The following BACE2 variants were observed in gnomAD, a reference collection of about 807,000 sequenced individuals.
BACE2 encodes the protein beta-secretase 2, also known as 56 kDa aspartic-like protease.
BACE2 carries 17 observed loss-of-function variants against 46.2 expected under a neutral mutation model. That is an observed-to-expected ratio of 0.37 (90% CI 0.25 to 0.55). BACE2 has a LOEUF of 0.55. Ranked by LOEUF, BACE2 falls within the 20% of genes least tolerant of loss-of-function variation. BACE2 has a pLI of 0.82. For missense variants in BACE2, 595 were observed against 698.1 expected, an observed-to-expected ratio of 0.85 and a Z score of 1.66; for synonymous variants, 277 against 295.9, an observed-to-expected ratio of 0.94 and a Z score of 0.66.
intron 1 of BACE2, among the ~76,000 whole-genome samples, chr21:41,189,269 T>G (rs1258260488): frequency 1.3e-5 from 2 of 152,136 alleles, no homozygotes; most frequent in East Asian, 3.9e-4. Context: ...TCTGAGAAAT[T>G]GTCTAGTAAT....
At chr21:41,176,165 A>G (rs1335666601) in intron 1 of BACE2, 1 of 152,248 alleles carries the variant, frequency 6.6e-6, no homozygotes, top group Non-Finnish European at 1.5e-5. Context: ...GAGAATCTCC[A>G]TAGCTCTAAT....
intron 1 of BACE2, among the ~76,000 whole-genome samples, chr21:41,192,826 G>A (rs536541823): frequency 1.3e-5 from 2 of 152,326 alleles, no homozygotes; most frequent in South Asian, 2.1e-4. Flanking sequence ...ACACCCAAAT[G>A]AGGAATGTGT....
Position 41,243,580 on chromosome 21 carries a change from C to G in BACE2, c.882+70C>G, listed in dbSNP as rs566764846. On this transcript the variant is annotated intron_variant, in intron 5 of 8. Coordinates refer to ENST00000330333, the MANE Select transcript of BACE2 (RefSeq NM_012105.5). Reference sequence around the variant, plus strand: ...GGTCCCTTAAATATGCCAGCTGGAACCCGTAGATGCCAATAGAAGGTACAT... The same window carrying G: ...GGTCCCTTAAATATGCCAGCTGGAAGCCGTAGATGCCAATAGAAGGTACAT... The G allele has an allele frequency of 2.7e-5, 39 of 1,444,866 alleles. No homozygotes were observed. In the African/African-American group the frequency reaches 5.6e-4, roughly 21 times the overall value. The allele number at this position is 1,444,866 out of a possible 1,614,324, so 89.5% of individuals were successfully genotyped here.
At chr21:41,264,111 G>C (rs1487185701) in intron 8 of BACE2, among the ~76,000 whole-genome samples, 1 of 151,898 alleles carries the variant, frequency 6.6e-6, no homozygotes, top group African/African-American at 2.4e-5. Context: ...GTTCAGCTAT[G>C]TTCAATCTAC....
rs369827374 is a variant in BACE2 at position 41,221,661 on chromosome 21, TAA to T, written c.313-4599_313-4598del. 6.9e-3 allele frequency among the ~76,000 whole-genome samples: 1,046 copies of T among 151,704 alleles called. 8 individuals carry two copies. Among genetic ancestry groups the T allele is most frequent in the African/African-American group, 0.023 (959 of 41,364 alleles). ...TAACACGGTGAAACCCCGTCTCTAC[TAA>T]AAAAATACAAAAAAATTAGCTGGGC... On this transcript the variant is annotated intron_variant, in intron 1 of 8. Transcript: ENST00000330333.
At position 41,193,012 on chromosome 21, in the gene BACE2, C is replaced by T. The variant is rs1332634765; in HGVS notation, c.312+24437C>T. ...TTTTAGTCATATTTATTTCCCATCT[C>T]CTGGCACATAAATGTCTCACCAATA... On this transcript the variant is annotated intron_variant, in intron 1 of 8. Transcript: ENST00000330333. The surrounding 1 kb of genome is among the most constrained non-coding windows in gnomAD (Gnocchi z 4.2). Among the ~76,000 whole-genome samples the T allele has an allele frequency of 6.6e-6, 1 of 152,216 alleles. No individual in the cohort carries two copies. The highest frequency in any genetic ancestry group is 1.5e-5 in the Non-Finnish European group (1 of 68,050).
At chr21:41,270,711 A>G (rs1030028458) in intron 8 of BACE2, among the ~76,000 whole-genome samples, 3 of 152,184 alleles carry the variant, frequency 2.0e-5, no homozygotes, top group African/African-American at 7.2e-5. Context: ...ATTTATTGAA[A>G]CTTATTTCAT....
At chr21:41,263,547 A>T (rs751279806) in intron 8 of BACE2, among the ~76,000 whole-genome samples, 4 of 152,190 alleles carry the variant, frequency 2.6e-5, no homozygotes, top group Non-Finnish European at 4.4e-5. Context: ...TTTATAAAAG[A>T]CTGTGAAAGG....
intron 7 of BACE2, among the ~76,000 whole-genome samples, chr21:41,251,325 C>A (rs1987631464): frequency 6.6e-6 from 1 of 152,212 alleles, no homozygotes; most frequent in Admixed American, 6.5e-5. Flanking sequence ...TTCCATGATG[C>A]TGCCCAAACA....
intron 8 of BACE2, among the ~76,000 whole-genome samples, chr21:41,266,512 G>T (rs965083163): frequency 1.3e-5 from 2 of 152,256 alleles, no homozygotes; most frequent in Non-Finnish European, 1.5e-5. Context: ...AGAATCTTGG[G>T]ATTTGCATAC....
At chr21:41,240,088 T>G (rs1398978495) in intron 3 of BACE2, among the ~76,000 whole-genome samples, 1 of 152,144 alleles carries the variant, frequency 6.6e-6, no homozygotes, top group African/African-American at 2.4e-5. Flanking sequence ...ATTTCCAGGG[T>G]TTGAGGAGAC....
chr21:41,268,229 G>A (rs922148780), intron 8 of BACE2, among the ~76,000 whole-genome samples: 3 of 152,134 alleles, frequency 2.0e-5, no homozygotes, highest in Non-Finnish European at 2.9e-5. Context: ...AAACTGGGGG[G>A]CAAAGAAGTT....
In BACE2 at chr21:41,179,031, C is replaced by T. The variant is rs575945358; in HGVS notation, c.312+10456C>T. The T allele has an allele frequency of 5.6e-5, 59 of 1,062,360 alleles. No individual in the cohort carries two copies. The East Asian group carries it at 7.3e-4, about 13-fold the overall frequency. 65.8% of individuals were successfully genotyped at this position (1,062,360 alleles called of 1,614,324 possible). A position where few individuals can be genotyped will look rare whatever the true frequency, so the allele number is the denominator to read the frequency against. ...CTGAGCCTTCAGAAGTTAGGGAAAG[C>T]GTGTCCCAGGCTGCAGCCAGGGAGG... On this transcript the variant is annotated intron_variant, in intron 1 of 8. Coordinates refer to ENST00000330333, the MANE Select transcript of BACE2 (RefSeq NM_012105.5).
At chr21:41,240,765 A>G (rs1379679617) in intron 3 of BACE2, among the ~76,000 whole-genome samples, 5 of 152,224 alleles carry the variant, frequency 3.3e-5, no homozygotes, top group Admixed American at 3.3e-4. Flanking sequence ...CTGCCTCGGA[A>G]TTCTGCAGAA....
At chr21:41,203,320 G>A (rs1422925678) in intron 1 of BACE2, among the ~76,000 whole-genome samples, 2 of 152,020 alleles carry the variant, frequency 1.3e-5, no homozygotes, top group African/African-American at 2.4e-5. Context: ...GCAGAGACCT[G>A]AAAAAGGAGG....
chr21:41,204,248 C>T (rs1027954908), intron 1 of BACE2, among the ~76,000 whole-genome samples: 5 of 152,134 alleles, frequency 3.3e-5, no homozygotes, highest in African/African-American at 1.2e-4. Context: ...AACATGTTGG[C>T]CAGGCTAGCC....
intron 1 of BACE2, among the ~76,000 whole-genome samples, chr21:41,204,213 G>GT (rs779997836): frequency 6.6e-5 from 10 of 152,162 alleles, no homozygotes; most frequent in Admixed American, 3.3e-4. Context: ...TTTGTTTTTT[G>GT]TTTTTTTAGT....
chr21:41,238,943 T>TA (rs1441860366), intron 3 of BACE2, among the ~76,000 whole-genome samples: 3 of 121,988 alleles, frequency 2.5e-5, no homozygotes, highest in Non-Finnish European at 4.9e-5. Context: ...CCCTAAAACT[T>TA]AAAGTATAAT....
intron 1 of BACE2, among the ~76,000 whole-genome samples, chr21:41,207,060 AGAACATTTAGT>A (rs1325421999): frequency 6.6e-6 from 1 of 152,264 alleles, no homozygotes; most frequent in Non-Finnish European, 1.5e-5. Flanking sequence ...TGAGCAAAAG[AGAACATTTAGT>A]GAAACTCCAG....
Sources: allele counts gnomAD v4.1 joint callset (sites outside exome capture counted in the v4.1 genomes callset), GRCh38; gene constraint gnomAD v4.1.1; non-coding constraint Gnocchi (gnomAD v3.1); transcripts MANE v1.5; gene names NCBI Gene and HGNC (gene_info 2026-07-23, HGNC 2026-07-21).